Variants in KHDRBS2 observed in about 807,000 individuals in gnomAD.
The protein encoded by KHDRBS2 is KH RNA binding domain containing, signal transduction associated 2.
In KHDRBS2, 26 loss-of-function variants were observed where a neutral mutation model predicts 44.3. The ratio of observed to expected loss-of-function variants is 0.59; its 90% CI spans 0.43 to 0.81. The LOEUF (loss-of-function observed/expected upper bound fraction) is 0.81, where lower values mean the gene tolerates loss of function less well. KHDRBS2 is among the 40% of genes least tolerant of loss of function. The pLI, the probability that KHDRBS2 is intolerant of heterozygous loss-of-function variation, is 0.00. For missense variants in KHDRBS2, 476 were observed against 433.1 expected (o/e 1.10, Z -0.88); for synonymous variants, 194 against 151.1 (o/e 1.28, Z -2.08).
At chr6:62,053,929 A>C (rs1179765742) in intron 2 of KHDRBS2, among the ~76,000 whole-genome samples, 1 of 152,004 alleles carries the variant, frequency 6.6e-6, no homozygotes, top group African/African-American at 2.4e-5. Context: ...TAATTAGAGA[A>C]TTTTTTTAAA....
intron 3 of KHDRBS2, among the ~76,000 whole-genome samples, chr6:62,034,674 G>T (rs1453901415): frequency 7.5e-6 from 1 of 132,590 alleles, no homozygotes; most frequent in Non-Finnish European, 1.6e-5. Flanking sequence ...CAGACCCATG[G>T]CTAGTATCAT....
chr6:62,198,673 A>G (rs1563048213), intron 1 of KHDRBS2, among the ~76,000 whole-genome samples: 1 of 152,216 alleles, frequency 6.6e-6, no homozygotes, highest in Admixed American at 6.5e-5. Flanking sequence ...AGGAGCTGGT[A>G]GCATTCCTTC....
intron 2 of KHDRBS2, among the ~76,000 whole-genome samples, chr6:62,120,755 T>C (rs1807432489): frequency 6.6e-6 from 1 of 152,160 alleles, no homozygotes; most frequent in Non-Finnish European, 1.5e-5. Context: ...ATCATGGCCC[T>C]TCAATCAATT....
chr6:61,649,340 TA>T, the KHDRBS2 span, among the ~76,000 whole-genome samples: 1 of 152,320 alleles, frequency 6.6e-6, no homozygotes, highest in South Asian at 2.1e-4. Context: ...TTTAAATGGC[TA>T]AAAATATGTT....
the KHDRBS2 span, among the ~76,000 whole-genome samples, chr6:61,544,096 A>G: frequency 3.3e-5 from 5 of 152,124 alleles, no homozygotes; most frequent in African/African-American, 1.2e-4. Flanking sequence ...TTTAAAAATA[A>G]CTAAAAGAAT....
intron 2 of KHDRBS2, among the ~76,000 whole-genome samples, chr6:62,108,746 A>G (rs192936210): frequency 6.6e-6 from 1 of 152,184 alleles, no homozygotes; most frequent in Non-Finnish European, 1.5e-5. Context: ...GCATATATAC[A>G]CCATGGAATA....
At chr6:61,662,938 G>A in the KHDRBS2 span, among the ~76,000 whole-genome samples, 1 of 151,864 alleles carries the variant, frequency 6.6e-6, no homozygotes, top group African/African-American at 2.4e-5. Flanking sequence ...CTGCTATAAA[G>A]ACACATGCAC....
At chr6:62,070,592 C>T (rs183310902) in intron 2 of KHDRBS2, among the ~76,000 whole-genome samples, 101 of 151,704 alleles carry the variant, frequency 6.7e-4, no homozygotes, top group African/African-American at 2.3e-3. Context: ...ACGCGGTGTT[C>T]GGTTTTTTGT....
chr6:61,594,342 C>A, the KHDRBS2 span, among the ~76,000 whole-genome samples: 1 of 152,006 alleles, frequency 6.6e-6, no homozygotes, highest in Non-Finnish European at 1.5e-5. Flanking sequence ...TTTTATGAGT[C>A]CTGTTTTCTA....
chr6:62,110,882 T>A (rs767123279), intron 2 of KHDRBS2, among the ~76,000 whole-genome samples: 4 of 152,058 alleles, frequency 2.6e-5, no homozygotes, highest in African/African-American at 4.8e-5. Flanking sequence ...TTCAGCTCAA[T>A]AAAGCTGTTA....
the KHDRBS2 span, among the ~76,000 whole-genome samples, chr6:61,635,050 G>A: frequency 0.024 from 3,716 of 152,042 alleles, 70 homozygotes; most frequent in Middle Eastern, 0.089. Context: ...CTGTGCTTGA[G>A]ATGAAATTTT....
chr6:61,653,846 A>C, the KHDRBS2 span, among the ~76,000 whole-genome samples: 1 of 151,878 alleles, frequency 6.6e-6, no homozygotes, highest in Non-Finnish European at 1.5e-5. Context: ...GTATACAGAA[A>C]AATGGTGAAA....
chr6:61,894,099 A>C (rs956902973), intron 6 of KHDRBS2, among the ~76,000 whole-genome samples: 5 of 152,122 alleles, frequency 3.3e-5, no homozygotes, highest in Non-Finnish European at 7.4e-5. Flanking sequence ...ATAGGAAGGG[A>C]GGGGGATGCT....
intron 3 of KHDRBS2, among the ~76,000 whole-genome samples, chr6:62,030,336 T>G (rs1392925276): frequency 2.0e-5 from 3 of 152,042 alleles, no homozygotes; most frequent in Admixed American, 2.0e-4. Flanking sequence ...AAGGTTAAAT[T>G]TTCCTCTTGG....
the KHDRBS2 span, among the ~76,000 whole-genome samples, chr6:61,665,985 C>T: frequency 2.7e-5 from 4 of 150,902 alleles, no homozygotes; most frequent in East Asian, 7.9e-4. Context: ...TTTGATGTTG[C>T]TTATGATTTT....
At chr6:62,090,128 A>G (rs1290780373) in intron 2 of KHDRBS2, among the ~76,000 whole-genome samples, 1 of 152,232 alleles carries the variant, frequency 6.6e-6, no homozygotes, top group Non-Finnish European at 1.5e-5. Context: ...AACAAAGATA[A>G]TAACAAAAAC....
intron 1 of KHDRBS2, among the ~76,000 whole-genome samples, chr6:62,217,787 A>G (rs1250376693): frequency 1.3e-5 from 2 of 151,894 alleles, no homozygotes; most frequent in Non-Finnish European, 2.9e-5. Context: ...ACAGTATCAT[A>G]GAATCCATAA....
At chr6:61,567,655 AAAC>A in the KHDRBS2 span, among the ~76,000 whole-genome samples, 1 of 151,804 alleles carries the variant, frequency 6.6e-6, no homozygotes, top group Non-Finnish European at 1.5e-5. Flanking sequence ...CAAAACAAAC[AAAC>A]AAAAAAAAGG....
chr6:61,711,536 C>G (rs531452451), intron 7 of KHDRBS2, among the ~76,000 whole-genome samples: 2 of 151,798 alleles, frequency 1.3e-5, no homozygotes, highest in Non-Finnish European at 2.9e-5. Context: ...AATTTAGAAA[C>G]AACCTAAGTT....
Sources: gnomAD v4.1 joint callset for allele counts (sites outside exome capture counted in the v4.1 genomes callset) on GRCh38, gnomAD v4.1.1 for gene constraint, MANE v1.5 for transcripts, NCBI Gene and HGNC (gene_info 2026-07-23, HGNC 2026-07-21) for gene names.